The following TNS1 variants were observed in gnomAD, a reference collection of about 807,000 sequenced individuals.
TNS1 encodes tensin-1.
Under a neutral mutation model 168.6 loss-of-function variants are expected in TNS1, and 62 were observed. The ratio of observed to expected loss-of-function variants is 0.37; its 90% CI spans 0.30 to 0.45. The LOEUF is 0.45. TNS1 is among the 20% of genes least tolerant of loss of function. TNS1 has a pLI of 1.00. For synonymous variants in TNS1, 934 were observed against 933.2 expected (o/e 1.00, Z -0.02); for missense variants, 2,240 against 2,339.4 (o/e 0.96, Z 0.88).
chr2:217,834,946 C>T (rs561989216), intron 21 of TNS1, 145 bp downstream of exon 21: 2 of 600,576 alleles, frequency 3.3e-6, no homozygotes, highest in Admixed American at 3.8e-5. Context: ...AGAGAAGGGG[C>T]CATGGGAGTG....
chr2:217,890,750 C>T, intron 12 of TNS1: 1 of 600,442 alleles, frequency 1.7e-6, no homozygotes, highest in Non-Finnish European at 3.0e-6. Context: ...GAGTCAAGTG[C>T]TGTGCCAATC....
intron 18 of TNS1, among the ~76,000 whole-genome samples, chr2:217,879,117 C>T (rs1172772801): frequency 2.0e-5 from 3 of 152,208 alleles, no homozygotes; most frequent in African/African-American, 7.2e-5. Context: ...TGACCGTCTG[C>T]TCTTCTTCCT....
chr2:217,945,412 C>T (rs1279761492), intron 3 of TNS1, among the ~76,000 whole-genome samples: 3 of 152,164 alleles, frequency 2.0e-5, no homozygotes, highest in East Asian at 1.9e-4. Flanking sequence ...AGGGCTGCCT[C>T]GCCCCCAGTC....
intron 18 of TNS1, among the ~76,000 whole-genome samples, chr2:217,870,267 C>A (rs1363074259): frequency 1.3e-5 from 2 of 152,186 alleles, no homozygotes; most frequent in Admixed American, 6.5e-5. Context: ...GACACCCCTA[C>A]CCCGTCTCCA....
intron 4 of TNS1, among the ~76,000 whole-genome samples, chr2:217,912,911 G>C (rs1004905950): frequency 4.6e-5 from 7 of 152,184 alleles, no homozygotes; most frequent in Non-Finnish European, 8.8e-5. Flanking sequence ...TCATAAGCAA[G>C]GGCTCTAGAA....
chr2:217,881,000 C>G lies in TNS1; in HGVS notation c.1327G>C (p.Glu443Gln). ...PEKIQGMEHL[E>Q]NGPSVSVDYN... ...TCCACAGACACGCTCGGCCCGTTCT[C>G]CAGGTGCTCCATGCCTAAGTGGGAT... Residue 443 changes from glutamate (E) to glutamine (Q), a missense_variant, in exon 18 of 33, where the codon GAG (glutamate) becomes CAG (glutamine). Transcript: ENST00000682258. This position sits in a 1 kb window ranked among gnomAD's most constrained non-coding sequence, Gnocchi z 4.2. 1 of 1,613,918 alleles carries G rather than the reference C, an allele frequency of 6.2e-7. No individual in the cohort carries two copies. Among genetic ancestry groups the G allele is most frequent in the Non-Finnish European group, 8.5e-7 (1 of 1,179,868 alleles).
chr2:217,901,299 T>C (rs1234070761), intron 6 of TNS1, among the ~76,000 whole-genome samples: 1 of 152,224 alleles, frequency 6.6e-6, no homozygotes, highest in Non-Finnish European at 1.5e-5. Flanking sequence ...CCTCTTGTAA[T>C]GTCACATGTA....
intron 2 of TNS1, among the ~76,000 whole-genome samples, chr2:217,987,566 G>A (rs1958230342): frequency 6.6e-6 from 1 of 152,122 alleles, no homozygotes; most frequent in Non-Finnish European, 1.5e-5. Context: ...CAGGCCAAAC[G>A]CCCCAGTGTC....
chr2:217,849,603 T>C (rs1947189696), intron 18 of TNS1: 3 of 965,922 alleles, frequency 3.1e-6, no homozygotes, highest in South Asian at 9.6e-5. Context: ...CCATTATGAG[T>C]ATCATTAATT....
At chr2:217,837,290 C>T (rs931877908) in intron 19 of TNS1, among the ~76,000 whole-genome samples, 30 of 152,224 alleles carry the variant, frequency 2.0e-4, no homozygotes, top group African/African-American at 7.2e-4. Flanking sequence ...CTCATTCAGA[C>T]AGAAACATCT....
chr2:217,816,621 T>G (rs1941927575), intron 24 of TNS1, among the ~76,000 whole-genome samples: 1 of 152,154 alleles, frequency 6.6e-6, no homozygotes, highest in Non-Finnish European at 1.5e-5. Context: ...CAGAGGCGGC[T>G]GCAGTCCCAC....
In TNS1 at chr2:217,848,817, C is replaced by T. The variant is rs764214597; in HGVS notation, c.1700G>A (p.Arg567His). ...CTCTAAGCCAAAGCCACTCAGCAGG[C>T]GGTCCAGCTCCCGCTTCTCCTGGGG... The part of the protein sequence containing the change: ...LSPQEKRELD[R>H]LLSGFGLERE... Residue 567 changes from arginine (R) to histidine (H), a missense_variant, in exon 19 of 33, where the codon CGC becomes CAC. By Grantham distance (29) the Arg-to-His change is conservative. Transcript: ENST00000682258. 27 of 1,613,956 alleles carry T rather than the reference C, an allele frequency of 1.7e-5. 1 individual carries two copies. In the Admixed American group the frequency reaches 3.7e-4, roughly 22 times the overall value.
chr2:217,992,877 A>G (rs1958402397), intron 1 of TNS1, among the ~76,000 whole-genome samples: 1 of 152,248 alleles, frequency 6.6e-6, no homozygotes. Context: ...AGATCAGAGC[A>G]TCAAAATACA....
At chr2:217,912,800 C>T (rs761037212) in intron 4 of TNS1, among the ~76,000 whole-genome samples, 3 of 152,150 alleles carry the variant, frequency 2.0e-5, no homozygotes, top group Non-Finnish European at 4.4e-5. Flanking sequence ...TATCAACAGC[C>T]TAATCACGAA....
intron 12 of TNS1, among the ~76,000 whole-genome samples, chr2:217,887,089 T>G (rs1951277851): frequency 1.3e-5 from 2 of 152,166 alleles, no homozygotes; most frequent in Admixed American, 6.5e-5. Flanking sequence ...AAGCTTGCGC[T>G]CATACTCACA....
intron 1 of TNS1, among the ~76,000 whole-genome samples, chr2:218,031,196 ATGTG>A (rs1342399290): frequency 8.8e-6 from 1 of 113,430 alleles, no homozygotes; most frequent in Non-Finnish European, 1.8e-5. Context: ...ATGTGTCTGT[ATGTG>A]TGTGAGTGTG....
intron 18 of TNS1, among the ~76,000 whole-genome samples, chr2:217,874,657 G>A (rs1428226059): frequency 6.6e-6 from 1 of 152,142 alleles, no homozygotes; most frequent in Non-Finnish European, 1.5e-5. Flanking sequence ...AAGAAGAGAG[G>A]GCTAAAATCA....
intron 3 of TNS1, among the ~76,000 whole-genome samples, chr2:217,972,948 A>G (rs554154783): frequency 2.0e-4 from 30 of 152,348 alleles, no homozygotes; most frequent in African/African-American, 7.2e-4. Context: ...AAAATAATAA[A>G]TACATAAATA....
intron 23 of TNS1, among the ~76,000 whole-genome samples, chr2:217,820,874 A>G (rs1315103189): frequency 6.6e-6 from 1 of 152,056 alleles, no homozygotes; most frequent in Admixed American, 6.5e-5. Context: ...ACTCAGAAAT[A>G]TGGATGCCAG....
Sources: allele counts gnomAD v4.1 joint callset (sites outside exome capture counted in the v4.1 genomes callset), GRCh38; gene constraint gnomAD v4.1.1; non-coding constraint Gnocchi (gnomAD v3.1); transcripts MANE v1.5; gene names NCBI Gene and HGNC (gene_info 2026-07-23, HGNC 2026-07-21).